EXOC2: variants seen among roughly 807,000 people sequenced by gnomAD.
The protein encoded by EXOC2 is SEC5-like 1.
Under a neutral mutation model 131.8 loss-of-function variants are expected in EXOC2, and 70 were observed. The observed-to-expected ratio is 0.53, with a 90% CI of 0.44 to 0.65. The LOEUF (loss-of-function observed/expected upper bound fraction) is 0.65, where lower values mean the gene tolerates loss of function less well. Ranked by LOEUF, EXOC2 falls within the 30% of genes least tolerant of loss-of-function variation. EXOC2 has a pLI of 0.00. For missense variants in EXOC2, 923 were observed against 1,108.6 expected (o/e 0.83, Z 2.38); for synonymous variants, 411 against 398.4 (o/e 1.03, Z -0.38).
intron 23 of EXOC2, among the ~76,000 whole-genome samples, chr6:501,121 A>ATATATATTATATATATC (rs1561785156): frequency 4.5e-5 from 3 of 66,256 alleles, no homozygotes; most frequent in Non-Finnish European, 8.6e-5. Context: ...ATATATATCT[A>ATATATATTATATATATC]TATATATTAT....
At position 658,642 on chromosome 6, in the gene EXOC2, A is replaced by ATT. The variant is rs1185162131; in HGVS notation, c.-43-20783_-43-20782dup. On this transcript the variant is annotated intron_variant, in intron 1 of 27. Transcript: ENST00000230449. ...CAGGATATTTAAAATATATATATAT[A>ATT]TTTTATATATATATATATATATATT... Among the ~76,000 whole-genome samples the ATT allele has an allele frequency of 9.1e-3, 1,018 of 112,172 alleles. 15 individuals are homozygous for ATT. The highest frequency in any genetic ancestry group is 0.031 in the African/African-American group (939 of 30,390). 73.6% of individuals were successfully genotyped at this position (112,172 alleles called of 152,430 possible).
chr6:600,794 GTTTA>G (rs1374744670), intron 7 of EXOC2, among the ~76,000 whole-genome samples: 3 of 152,046 alleles, frequency 2.0e-5, no homozygotes, highest in African/African-American at 4.8e-5. Context: ...ATAAAATTAT[GTTTA>G]TTTATGCCAA....
intron 4 of EXOC2, among the ~76,000 whole-genome samples, chr6:628,094 A>G (rs1761670061): frequency 6.6e-6 from 1 of 152,208 alleles, no homozygotes. Flanking sequence ...CTATGCTCCA[A>G]GTTGTTTACC....
At chr6:570,974 G>A (rs1379839271) in intron 13 of EXOC2, among the ~76,000 whole-genome samples, 1 of 152,160 alleles carries the variant, frequency 6.6e-6, no homozygotes. Flanking sequence ...TCAGCATGGT[G>A]AGCCCCACAG....
intron 27 of EXOC2, among the ~76,000 whole-genome samples, chr6:487,934 A>C (rs1208548139): frequency 1.3e-5 from 2 of 152,230 alleles, no homozygotes; most frequent in Non-Finnish European, 2.9e-5. Flanking sequence ...CCTGTTCCAC[A>C]TATGAAACGT....
chr6:691,850 A>G (rs1764941627), intron 1 of EXOC2, among the ~76,000 whole-genome samples: 1 of 152,212 alleles, frequency 6.6e-6, no homozygotes, highest in Non-Finnish European at 1.5e-5. Context: ...CTCTGCTTTA[A>G]TTTATTAAGT....
In EXOC2 at chr6:632,099, A is replaced by G. The variant is rs78593999; in HGVS notation, c.295+842T>C. Among the ~76,000 whole-genome samples the G allele has an allele frequency of 3.6e-4, 55 of 152,368 alleles. No individual in the cohort carries two copies. The East Asian group carries it at 0.01, about 28-fold the overall frequency. On this transcript the variant is annotated intron_variant, in intron 3 of 27. Coordinates refer to ENST00000230449, the MANE Select transcript of EXOC2 (RefSeq NM_018303.6). ...ACAGGACCACAAAGATGAATCTGACATTACTCTTATTCTAAAAAGGGAAAG... is the reference window on the plus strand; with the variant it reads ...ACAGGACCACAAAGATGAATCTGACGTTACTCTTATTCTAAAAAGGGAAAG...
chr6:631,292 C>T (rs1761836914), intron 3 of EXOC2, among the ~76,000 whole-genome samples: 2 of 152,300 alleles, frequency 1.3e-5, no homozygotes, highest in Admixed American at 1.3e-4. Context: ...GTAATCCCAG[C>T]ACTTTGGGAG....
intron 1 of EXOC2, among the ~76,000 whole-genome samples, chr6:647,882 T>C (rs1000555679): frequency 1.4e-4 from 22 of 151,924 alleles, no homozygotes; most frequent in African/African-American, 4.8e-4. Context: ...CCACCATGGA[T>C]AGCCATGAAT....
chr6:561,254 A>C (rs1283956639), intron 17 of EXOC2, among the ~76,000 whole-genome samples: 1 of 152,180 alleles, frequency 6.6e-6, no homozygotes, highest in Non-Finnish European at 1.5e-5. Context: ...GTCCATGAGA[A>C]GTACAGTCTG....
chr6:524,808 A>G (rs1311144714), intron 23 of EXOC2: 2 of 152,214 alleles, frequency 1.3e-5, no homozygotes, highest in East Asian at 3.8e-4. Flanking sequence ...CAAAACCCAA[A>G]AAGTTTGTCT....
intron 1 of EXOC2, among the ~76,000 whole-genome samples, chr6:653,673 C>T (rs1447912292): frequency 1.3e-5 from 2 of 152,210 alleles, no homozygotes; most frequent in Admixed American, 6.5e-5. Flanking sequence ...AGTACTTATG[C>T]AGAAGCTGCA....
chr6:656,755 G>A (rs1394897935), intron 1 of EXOC2: 4 of 1,589,456 alleles, frequency 2.5e-6, no homozygotes, highest in East Asian at 2.3e-5. Flanking sequence ...CGAAACTGCT[G>A]GAAGGCCCCC....
At chr6:597,568 C>T (rs935856777) in intron 10 of EXOC2, among the ~76,000 whole-genome samples, 4 of 152,164 alleles carry the variant, frequency 2.6e-5, no homozygotes, top group African/African-American at 7.2e-5. Flanking sequence ...AATCAGAAAG[C>T]TATTCAAGGT....
In EXOC2 at chr6:572,643, C is replaced by A; in HGVS notation, c.1320G>T (p.Thr440=). Residue 440 remains threonine, a splice_region_variant and synonymous_variant, in exon 13 of 28, where the codon ACG becomes ACT. Transcript: ENST00000230449. ...CCCTGTGGGGAGTTTTGTATCTCCACGCTAAGGGGGAAAAGAATAAAATAC... is the reference window on the plus strand; with the variant it reads ...CCCTGTGGGGAGTTTTGTATCTCCAAGCTAAGGGGGAAAAGAATAAAATAC... The part of the protein sequence containing the change: ...GSSFQSGRDD[T]WRYKTPHRVA... 6.2e-7 allele frequency: 1 copy of A among 1,611,726 alleles called. No individual in the cohort carries two copies. The highest frequency in any genetic ancestry group is 8.5e-7 in the Non-Finnish European group (1 of 1,179,398).
intron 27 of EXOC2, among the ~76,000 whole-genome samples, chr6:487,739 TAG>T (rs1763160774): frequency 6.6e-6 from 1 of 152,138 alleles, no homozygotes; most frequent in African/African-American, 2.4e-5. Context: ...GGAAGGATCT[TAG>T]AGTTTTCCTG....
At chr6:621,262 C>A (rs1435069118) in intron 4 of EXOC2, among the ~76,000 whole-genome samples, 1 of 152,198 alleles carries the variant, frequency 6.6e-6, no homozygotes, top group Admixed American at 6.5e-5. Flanking sequence ...TCCCACTCAC[C>A]AGGCCTCAGT....
intron 22 of EXOC2, among the ~76,000 whole-genome samples, chr6:539,505 C>A (rs1296566837): frequency 1.3e-5 from 2 of 152,194 alleles, no homozygotes; most frequent in Admixed American, 1.3e-4. Context: ...CTGATGCCAG[C>A]CAGTGCTCCC....
At chr6:577,433 A>G (rs1758645632) in intron 11 of EXOC2, among the ~76,000 whole-genome samples, 1 of 152,182 alleles carries the variant, frequency 6.6e-6, no homozygotes, top group African/African-American at 2.4e-5. Flanking sequence ...TCTCACACTC[A>G]AATACTGCTT....
Sources: allele counts gnomAD v4.1 joint callset (sites outside exome capture counted in the v4.1 genomes callset), GRCh38; gene constraint gnomAD v4.1.1; transcripts MANE v1.5; gene names NCBI Gene and HGNC (gene_info 2026-07-23, HGNC 2026-07-21).